The following GSK3B variants were observed in gnomAD, a reference collection of about 807,000 sequenced individuals.
GSK3B encodes the protein glycogen synthase kinase-3 beta.
In GSK3B, 15 loss-of-function variants were observed where a neutral mutation model predicts 56.4. The ratio of observed to expected loss-of-function variants is 0.27; its 90% CI spans 0.18 to 0.41. The LOEUF (loss-of-function observed/expected upper bound fraction) is 0.41. GSK3B is among the 10% of genes least tolerant of loss of function. GSK3B has a pLI of 1.00. For synonymous variants in GSK3B, 181 were observed against 188.9 expected, an observed-to-expected ratio of 0.96 and a Z score of 0.34; for missense variants, 300 against 513.4, an observed-to-expected ratio of 0.58 and a Z score of 4.02.
chr3:120,058,800 A>G (rs755765034), intron 1 of GSK3B, among the ~76,000 whole-genome samples: 6 of 152,254 alleles, frequency 3.9e-5, no homozygotes, highest in Non-Finnish European at 8.8e-5. Context: ...ACCTGAGCTC[A>G]GGAGTTCAAG....
chr3:119,938,126 A>C (rs972491559), intron 3 of GSK3B, among the ~76,000 whole-genome samples: 2 of 152,116 alleles, frequency 1.3e-5, no homozygotes, highest in African/African-American at 4.8e-5. Flanking sequence ...ATTAGTAATA[A>C]AGAAAAAAAC....
intron 1 of GSK3B, among the ~76,000 whole-genome samples, chr3:120,051,090 T>A (rs2107542182): frequency 6.6e-6 from 1 of 151,024 alleles, no homozygotes; most frequent in East Asian, 1.9e-4. Flanking sequence ...CCAGGTCTAG[T>A]AGGGTCTAGG....
At chr3:119,831,655 T>TC (rs2055601841) in intron 10 of GSK3B, among the ~76,000 whole-genome samples, 1 of 135,448 alleles carries the variant, frequency 7.4e-6, no homozygotes, top group Admixed American at 7.2e-5. Flanking sequence ...AGACTCCGTC[T>TC]CAAAAAAAAA....
At chr3:119,881,140 C>G (rs538658848) in intron 7 of GSK3B, among the ~76,000 whole-genome samples, 2 of 152,200 alleles carry the variant, frequency 1.3e-5, no homozygotes, top group South Asian at 4.2e-4. Flanking sequence ...ATGAAGATGA[C>G]TAAACCAGAG....
intron 8 of GSK3B, among the ~76,000 whole-genome samples, chr3:119,869,813 C>T (rs1381592466): frequency 1.3e-5 from 2 of 152,170 alleles, no homozygotes; most frequent in South Asian, 2.1e-4. Flanking sequence ...CACCTACTAA[C>T]GATGTTAAAT....
chr3:119,917,692 T>A (rs549985671), intron 4 of GSK3B, among the ~76,000 whole-genome samples: 39 of 151,680 alleles, frequency 2.6e-4, no homozygotes, highest in African/African-American at 8.9e-4. Flanking sequence ...AGCTTAATCG[T>A]TTAAATGAGG....
In GSK3B at chr3:119,826,822, T is replaced by C. The variant is rs2055516670; in HGVS notation, c.1229A>G (p.Asn410Ser). The C allele has an allele frequency of 6.2e-7, 1 of 1,613,084 alleles. No individual in the cohort carries two copies. The highest frequency in any genetic ancestry group is 8.5e-7 in the Non-Finnish European group (1 of 1,179,018). Residue 410 changes from asparagine to serine, a missense_variant, in exon 11 of 11, where the codon AAT (asparagine) becomes AGT (serine). By Grantham distance (46) the Asn-to-Ser change is conservative. Transcript: ENST00000264235. ...GTTGGAAGCTGATGCAGAAGCAGCA[T>C]TATTGGTCTGTCCACGGTCTCCAGT... is the stretch of plus-strand genomic sequence containing the variant. ...ANTGDRGQTN[N>S]AASASASNST is the part of the protein sequence containing the mutation.
At position 119,993,915 on chromosome 3, in the gene GSK3B, T is replaced by C. The variant is rs573132320; in HGVS notation, c.282+8131A>G. ...TTTTTTTTGAGACAGAGTCTTGCTC[T>C]GTCACCCAGGCTGGAGTGCAGTGAT... On this transcript the variant is annotated intron_variant, in intron 2 of 10. Coordinates refer to ENST00000264235, the MANE Select transcript of GSK3B (RefSeq NM_001146156.2). 3.3e-3 allele frequency among the ~76,000 whole-genome samples: 501 copies of C among 152,322 alleles called. 3 individuals are homozygous for C. The highest frequency in any genetic ancestry group is 4.4e-3 in the Non-Finnish European group (302 of 68,034).
chr3:119,964,868 A>G (rs1009789564), intron 2 of GSK3B, among the ~76,000 whole-genome samples: 3 of 152,160 alleles, frequency 2.0e-5, no homozygotes, highest in Non-Finnish European at 2.9e-5. Flanking sequence ...ATGAGCACAC[A>G]TATTTGTCCA....
chr3:120,043,823 C>T (rs748084124), intron 1 of GSK3B, among the ~76,000 whole-genome samples: 5 of 152,184 alleles, frequency 3.3e-5, no homozygotes, highest in African/African-American at 4.8e-5. Flanking sequence ...ACCCTATATG[C>T]TTCTTTAAAA....
chr3:119,938,989 T>TA (rs60945027), intron 3 of GSK3B, among the ~76,000 whole-genome samples: 43 of 141,604 alleles, frequency 3.0e-4, no homozygotes, highest in East Asian at 1.0e-3. Context: ...AAGATCTAGT[T>TA]AAAAAAAAAA....
chr3:120,068,275 C>A (rs992440525), intron 1 of GSK3B, among the ~76,000 whole-genome samples: 5 of 151,588 alleles, frequency 3.3e-5, no homozygotes, highest in African/African-American at 1.2e-4. Flanking sequence ...CCTGTAATAC[C>A]AGCTACTCAG....
Position 119,873,758 on chromosome 3 carries a change from AC to A in GSK3B, c.909+2654del, listed in dbSNP as rs147569493. Among the ~76,000 whole-genome samples the A allele has an allele frequency of 4.6e-5, 7 of 152,298 alleles. No homozygotes were observed. The East Asian group carries it at 1.3e-3, about 29-fold the overall frequency. On this transcript the variant is annotated intron_variant, in intron 8 of 10. Coordinates refer to ENST00000264235, the MANE Select transcript of GSK3B (RefSeq NM_001146156.2). ...CAATAAAATTTCTGCATCTGAATTT[AC>A]TTTTTTGTTTACAATCCCAGTAACA...
At chr3:119,894,888 T>C (rs1361642893) in intron 7 of GSK3B, among the ~76,000 whole-genome samples, 1 of 152,168 alleles carries the variant, frequency 6.6e-6, no homozygotes, top group East Asian at 1.9e-4. Flanking sequence ...ATTTAGGTCT[T>C]TGATTCATTC....
chr3:119,968,853 T>C (rs1324790662), intron 2 of GSK3B, among the ~76,000 whole-genome samples: 6 of 152,152 alleles, frequency 3.9e-5, no homozygotes, highest in Admixed American at 6.6e-5. Context: ...TAAGCAATTA[T>C]AGTAAAGTTG....
chr3:120,094,384 GGGC>G lies in GSK3B; in HGVS notation c.-953_-951del, dbSNP rs556855605. 2.7e-3 allele frequency: 840 copies of G among 307,478 alleles called. No homozygotes were observed. Among genetic ancestry groups the G allele is most frequent in the South Asian group, 5.6e-3 (127 of 22,558 alleles). 19.0% of individuals were successfully genotyped at this position (307,478 alleles called of 1,614,324 possible). On this transcript the variant is annotated 5_prime_UTR_variant, in exon 1 of 11. Transcript: ENST00000264235. ...CCTTCCTTCCTTTGTCACTTGGCCC[GGGC>G]GGCGGCGGCGGCGGCGGCGGCACAA...
At chr3:119,939,796 G>A (rs1429985717) in intron 3 of GSK3B, among the ~76,000 whole-genome samples, 2 of 152,102 alleles carry the variant, frequency 1.3e-5, no homozygotes, top group African/African-American at 4.8e-5. Context: ...AAGGGGAGTC[G>A]TAAATTCTAA....
intron 2 of GSK3B, among the ~76,000 whole-genome samples, chr3:119,970,549 A>T (rs1465775844): frequency 1.3e-5 from 2 of 150,632 alleles, no homozygotes; most frequent in Non-Finnish European, 3.0e-5. Context: ...AGGCCGGTGG[A>T]TCACAAGGTC....
chr3:119,943,261 G>A (rs962627628), intron 3 of GSK3B, among the ~76,000 whole-genome samples: 2 of 152,176 alleles, frequency 1.3e-5, no homozygotes, highest in African/African-American at 4.8e-5. Context: ...TTCTCCCAGA[G>A]CTGCAAAAGT....
Sources: gnomAD v4.1 joint callset for allele counts (sites outside exome capture counted in the v4.1 genomes callset) on GRCh38, gnomAD v4.1.1 for gene constraint, MANE v1.5 for transcripts, NCBI Gene and HGNC (gene_info 2026-07-23, HGNC 2026-07-21) for gene names.